Variants in ZC3H12C observed in about 807,000 individuals in gnomAD.
ZC3H12C encodes probable ribonuclease ZC3H12C.
ZC3H12C carries 20 observed loss-of-function variants against 76.3 expected under a neutral mutation model. The ratio of observed to expected loss-of-function variants is 0.26; its 90% confidence interval spans 0.18 to 0.38. ZC3H12C has a LOEUF of 0.38. ZC3H12C is among the 10% of genes least tolerant of loss of function. ZC3H12C has a pLI of 1.00. For synonymous variants in ZC3H12C, 352 were observed against 399.6 expected (o/e 0.88, Z 1.42); for missense variants, 874 against 1,086.5 (o/e 0.80, Z 2.75).
intron 1 of ZC3H12C, among the ~76,000 whole-genome samples, chr11:110,099,456 T>C (rs1262822930): frequency 2.0e-5 from 3 of 152,180 alleles, no homozygotes; most frequent in South Asian, 2.1e-4. Flanking sequence ...TTTCTACTTA[T>C]ATTTTAAATT....
intron 3 of ZC3H12C, among the ~76,000 whole-genome samples, chr11:110,157,392 C>G (rs1193369928): frequency 2.0e-5 from 3 of 151,368 alleles, no homozygotes; most frequent in Middle Eastern, 3.5e-3. Flanking sequence ...AGTGGCAGAA[C>G]CTGAGCCACA....
chr11:110,165,896 C>CATGTAT lies in ZC3H12C; in HGVS notation c.*160_*161insTGTATA. On this transcript the variant is annotated 3_prime_UTR_variant, in exon 6 of 6. Coordinates refer to ENST00000278590, the MANE Select transcript of ZC3H12C (RefSeq NM_033390.2). Reference sequence around the variant, plus strand: ...ATCATGGAATCTGTATGTATAGCCCCACATGGTGGAAGTATCACGGGATTG... The same window carrying CATGTAT: ...ATCATGGAATCTGTATGTATAGCCCCATGTATACATGGTGGAAGTATCACGGGATTG... The CATGTAT allele has an allele frequency of 1.4e-6, 1 of 690,472 alleles. No homozygotes were observed. The highest frequency in any genetic ancestry group is 2.3e-6 in the Non-Finnish European group (1 of 433,944). The allele number at this position is 690,472 out of a possible 1,614,324, so 42.8% of individuals were successfully genotyped here.
At chr11:110,122,293 A>G (rs1861664315) in intron 1 of ZC3H12C, among the ~76,000 whole-genome samples, 1 of 152,164 alleles carries the variant, frequency 6.6e-6, no homozygotes, top group Non-Finnish European at 1.5e-5. Flanking sequence ...GTTATTTTAT[A>G]ATTTCAAGAT....
At position 110,137,406 on chromosome 11, in the gene ZC3H12C, G is replaced by C; in HGVS notation, c.765G>C (p.Val255=). Residue 255 remains valine, a synonymous_variant, in exon 2 of 6, where the codon GTG becomes GTC. Transcript: ENST00000278590. The part of the protein sequence containing the change: ...LRPIVIDGSN[V]AMSHGNKEVF... ...CAATAGTTATTGATGGCAGCAATGT[G>C]GCAATGAGGTAAGTGGAAAAATCGT... 2 of 1,597,520 alleles carry C rather than the reference G, an allele frequency of 1.3e-6. No individual in the cohort carries two copies. The highest frequency in any genetic ancestry group is 1.7e-4 in the Middle Eastern group (1 of 5,974).
intron 1 of ZC3H12C, among the ~76,000 whole-genome samples, chr11:110,102,006 A>G (rs1347490209): frequency 6.6e-6 from 1 of 151,774 alleles, no homozygotes; most frequent in South Asian, 2.1e-4. Flanking sequence ...AAAATATGTA[A>G]TATTACTATT....
At chr11:110,099,505 C>T (rs548900810) in intron 1 of ZC3H12C, among the ~76,000 whole-genome samples, 20 of 151,626 alleles carry the variant, frequency 1.3e-4, no homozygotes, top group African/African-American at 3.6e-4. Context: ...AGCAAAGTAC[C>T]GAGAAAATGA....
intron 1 of ZC3H12C, chr11:110,124,366 T>C (rs759722062): frequency 3.9e-5 from 6 of 152,072 alleles, no homozygotes; most frequent in Non-Finnish European, 7.4e-5. Context: ...TTTTTATTGG[T>C]CGATTTTTCA....
intron 2 of ZC3H12C, among the ~76,000 whole-genome samples, chr11:110,145,932 G>A (rs901475829): frequency 9.2e-5 from 14 of 152,158 alleles, no homozygotes; most frequent in Non-Finnish European, 1.8e-4. Flanking sequence ...AATCTCAGAC[G>A]AAAAAGAAAA....
chr11:110,156,113 CATTATAT>C (rs1862373351), intron 3 of ZC3H12C, among the ~76,000 whole-genome samples: 1 of 150,966 alleles, frequency 6.6e-6, no homozygotes, highest in Admixed American at 6.6e-5. Flanking sequence ...ATGGCAGAGG[CATTATAT>C]TTTTATATAT....
At chr11:110,093,612 C>T (rs1861052824) in intron 1 of ZC3H12C, among the ~76,000 whole-genome samples, 180 bp downstream of exon 1, 1 of 151,762 alleles carries the variant, frequency 6.6e-6, no homozygotes, top group African/African-American at 2.4e-5. Context: ...GTCGAGTCAC[C>T]GAGCTCCGGT....
chr11:110,122,026 A>G (rs1176314599), intron 1 of ZC3H12C, among the ~76,000 whole-genome samples: 3 of 152,336 alleles, frequency 2.0e-5, no homozygotes, highest in African/African-American at 7.2e-5. Flanking sequence ...CTTTTTAACA[A>G]TGCTTTGGTC....
chr11:110,164,245 T>C lies in ZC3H12C; in HGVS notation c.1256-96T>C, dbSNP rs926018010. On this transcript the variant is annotated intron_variant, in intron 5 of 5. Transcript: ENST00000278590. The surrounding 1 kb of genome is among the most constrained non-coding windows in gnomAD (Gnocchi z 5.7). Reference sequence around the variant, plus strand: ...ACACTTAGCACAGCTCCCATTTCTATCGTTGTCTCTTCTACAAGTTAAAAT... The same window carrying C: ...ACACTTAGCACAGCTCCCATTTCTACCGTTGTCTCTTCTACAAGTTAAAAT... 2.7e-6 allele frequency: 3 copies of C among 1,115,248 alleles called. No individual in the cohort carries two copies. The highest frequency in any genetic ancestry group is 3.7e-6 in the Non-Finnish European group (3 of 803,712). 69.1% of individuals were successfully genotyped at this position (1,115,248 alleles called of 1,614,324 possible).
chr11:110,150,705 G>A lies in ZC3H12C; in HGVS notation c.774-2214G>A, dbSNP rs368985776. Among the ~76,000 whole-genome samples the A allele has an allele frequency of 3.3e-4, 50 of 152,092 alleles. 1 individual carries two copies. The highest frequency in any genetic ancestry group is 1.2e-3 in the African/African-American group (49 of 41,508). On this transcript the variant is annotated intron_variant, in intron 2 of 5. Coordinates refer to ENST00000278590, the MANE Select transcript of ZC3H12C (RefSeq NM_033390.2). The stretch of plus-strand genomic sequence containing the variant: ...ATCAAGCTTGTAATTGATTATTCCA[G>A]TTATCTATATCCTTATTAAATGTTT...
At position 110,167,362 on chromosome 11, in the gene ZC3H12C, T is replaced by C. The variant is rs1862602849; in HGVS notation, c.*1625T>C. ...ACTATGATTAGACTTTTGGGCAACA[T>C]TTTATCCCTTATTTAAATACAAATT... On this transcript the variant is annotated 3_prime_UTR_variant, in exon 6 of 6. Coordinates refer to ENST00000278590, the MANE Select transcript of ZC3H12C (RefSeq NM_033390.2). 6.6e-6 allele frequency: 1 copy of C among 152,212 alleles called. No homozygotes were observed. The highest frequency in any genetic ancestry group is 2.4e-5 in the African/African-American group (1 of 41,462). 9.4% of individuals were successfully genotyped at this position (152,212 alleles called of 1,614,324 possible).
intron 3 of ZC3H12C, 135 bp downstream of exon 3, chr11:110,153,193 G>T (rs930414248): frequency 3.4e-6 from 4 of 1,174,184 alleles, no homozygotes; most frequent in Non-Finnish European, 4.6e-6. Context: ...GTTTTTTGTT[G>T]TTGTTGTTTT....
rs551692680 is a variant in ZC3H12C at position 110,125,437 on chromosome 11, C to T, written c.22-11226C>T. On this transcript the variant is annotated intron_variant, in intron 1 of 5. Transcript: ENST00000278590. Reference sequence around the variant, plus strand: ...CCAGGTTCAAGGGATTCTCCTGCCTCAGCCTCCCGAATAACTGGAATTACA... The same window carrying T: ...CCAGGTTCAAGGGATTCTCCTGCCTTAGCCTCCCGAATAACTGGAATTACA... 5.3e-4 allele frequency among the ~76,000 whole-genome samples: 80 copies of T among 152,162 alleles called. 1 individual carries two copies. The highest frequency in any genetic ancestry group is 1.8e-3 in the African/African-American group (76 of 41,498).
Position 110,171,663 on chromosome 11 carries a change from A to G in ZC3H12C, c.*5926A>G, listed in dbSNP as rs746401483. On this transcript the variant is annotated 3_prime_UTR_variant, in exon 6 of 6. Coordinates refer to ENST00000278590, the MANE Select transcript of ZC3H12C (RefSeq NM_033390.2). ...TCTTTAATGAAGAAATTGATCTCATATGGCATCATAGATGCTAAATAAATA... is the reference window on the plus strand; with the variant it reads ...TCTTTAATGAAGAAATTGATCTCATGTGGCATCATAGATGCTAAATAAATA... 2.0e-5 allele frequency: 3 copies of G among 152,238 alleles called. No homozygotes were observed. Among genetic ancestry groups the G allele is most frequent in the African/African-American group, 4.8e-5 (2 of 41,466 alleles). 9.4% of individuals were successfully genotyped at this position (152,238 alleles called of 1,614,324 possible).
At chr11:110,103,515 A>G (rs559867514) in intron 1 of ZC3H12C, among the ~76,000 whole-genome samples, 14 of 152,208 alleles carry the variant, frequency 9.2e-5, no homozygotes, top group Non-Finnish European at 2.1e-4. Flanking sequence ...TAGTTTTGCA[A>G]CTGTATTGGG....
intron 1 of ZC3H12C, among the ~76,000 whole-genome samples, chr11:110,125,656 G>T (rs1160824559): frequency 6.6e-6 from 1 of 152,090 alleles, no homozygotes; most frequent in Non-Finnish European, 1.5e-5. Flanking sequence ...CTGGGTGTCT[G>T]ATGTTCTGTC....
Sources: allele counts gnomAD v4.1 joint callset (sites outside exome capture counted in the v4.1 genomes callset), GRCh38; gene constraint gnomAD v4.1.1; non-coding constraint Gnocchi (gnomAD v3.1); transcripts MANE v1.5; gene names NCBI Gene and HGNC (gene_info 2026-07-23, HGNC 2026-07-21).